Variants in KLHL32 observed in about 807,000 individuals in gnomAD.
The protein encoded by KLHL32 is kelch like family member 32.
A neutral mutation model predicts 64.8 loss-of-function variants in KLHL32; 35 were observed. The observed-to-expected ratio is 0.54, with a 90% confidence interval of 0.41 to 0.72. The LOEUF (loss-of-function observed/expected upper bound fraction) is 0.72, where lower values mean the gene tolerates loss of function less well. Among genes scored for constraint, KLHL32 ranks in the 30% least tolerant of loss-of-function variants. KLHL32 has a pLI of 0.00. For synonymous variants in KLHL32, 259 were observed against 281.0 expected, an observed-to-expected ratio of 0.92 and a Z score of 0.78; for missense variants, 589 against 768.5, an observed-to-expected ratio of 0.77 and a Z score of 2.76.
chr6:96,907,506 T>G, the KLHL32 span, among the ~76,000 whole-genome samples: 2 of 152,208 alleles, frequency 1.3e-5, no homozygotes, highest in African/African-American at 4.8e-5. Flanking sequence ...TCAAGTGTTT[T>G]CAATGAATCT....
chr6:97,015,322 G>A (rs1257754919), intron 3 of KLHL32, among the ~76,000 whole-genome samples: 2 of 152,220 alleles, frequency 1.3e-5, no homozygotes, highest in Non-Finnish European at 2.9e-5. Flanking sequence ...GGTTGGAACA[G>A]TTTGGAGGGC....
chr6:97,020,485 T>A lies in KLHL32; in HGVS notation c.205-21007T>A, dbSNP rs1781840314. ...GTTGACAAAATAAGCACACATTTTG[T>A]CAGAAAGGCAATGGGCCTAGATTTT... On this transcript the variant is annotated intron_variant, in intron 3 of 10. Transcript: ENST00000369261. 2.0e-5 allele frequency among the ~76,000 whole-genome samples: 3 copies of A among 150,752 alleles called. 1 individual carries two copies. Among genetic ancestry groups the A allele is most frequent in the African/African-American group, 7.5e-5 (3 of 40,066 alleles).
chr6:97,132,811 G>A (rs1285045612), intron 10 of KLHL32, 64 bp downstream of exon 10: 2 of 1,109,664 alleles, frequency 1.8e-6, no homozygotes, highest in African/African-American at 3.2e-5. Context: ...ATTTTGCAAT[G>A]CTGCTACTGA....
chr6:97,114,957 A>AT (rs779279622), intron 7 of KLHL32, among the ~76,000 whole-genome samples: 4 of 152,354 alleles, frequency 2.6e-5, no homozygotes, highest in East Asian at 3.9e-4. Context: ...ATAGGTATAT[A>AT]TCCAAGTAAT....
intron 5 of KLHL32, among the ~76,000 whole-genome samples, chr6:97,068,593 G>C (rs1790187916): frequency 6.6e-6 from 1 of 152,212 alleles, no homozygotes; most frequent in South Asian, 2.1e-4. Flanking sequence ...ATAGGAAACT[G>C]TTAATGTGTT....
At chr6:96,988,251 C>T (rs1377908229) in intron 3 of KLHL32, among the ~76,000 whole-genome samples, 4 of 152,180 alleles carry the variant, frequency 2.6e-5, no homozygotes, top group African/African-American at 4.8e-5. Context: ...TCAAACAAAT[C>T]TACAAGAAAA....
intron 3 of KLHL32, among the ~76,000 whole-genome samples, chr6:97,015,365 G>C (rs1423888280): frequency 6.6e-6 from 1 of 152,190 alleles, no homozygotes; most frequent in African/African-American, 2.4e-5. Context: ...GGGAAAGTTT[G>C]AAGCTCCCTA....
intron 3 of KLHL32, among the ~76,000 whole-genome samples, chr6:97,023,218 AC>A (rs1216160176): frequency 9.7e-5 from 13 of 133,866 alleles, no homozygotes; most frequent in African/African-American, 4.2e-4. Context: ...AATTGTAAAG[AC>A]AAAAAAGCCA....
intron 5 of KLHL32, among the ~76,000 whole-genome samples, chr6:97,083,809 G>T (rs188116422): frequency 5.2e-4 from 79 of 152,234 alleles, no homozygotes; most frequent in Non-Finnish European, 9.9e-4. Flanking sequence ...CCGTACTATT[G>T]TTGGGCATTT....
chr6:97,139,443 A>G lies in KLHL32; in HGVS notation c.*161A>G. On this transcript the variant is annotated 3_prime_UTR_variant, in exon 11 of 11. Coordinates refer to ENST00000369261, the MANE Select transcript of KLHL32 (RefSeq NM_052904.4). ...ACAATTTTCTAAAATACGTTATTGA[A>G]AACTCGTCACCCTTCTCAGTGTATG... 1.6e-6 allele frequency: 1 copy of G among 629,322 alleles called. No individual in the cohort carries two copies. Among genetic ancestry groups the G allele is most frequent in the Non-Finnish European group, 2.7e-6 (1 of 369,242 alleles). The allele number at this position is 629,322 out of a possible 1,614,324, so 39.0% of individuals were successfully genotyped here. A position where few individuals can be genotyped will look rare whatever the true frequency, so the allele number is the denominator to read the frequency against.
intron 4 of KLHL32, among the ~76,000 whole-genome samples, chr6:97,042,519 TTGTATATACTTA>T (rs1384075227): frequency 1.3e-5 from 2 of 152,228 alleles, no homozygotes; most frequent in Non-Finnish European, 2.9e-5. Flanking sequence ...CAAATAATAA[TTGTATATACTTA>T]TGTGATGTAA....
Position 97,128,681 on chromosome 6 carries a change from C to A in KLHL32, c.1413+1219C>A, listed in dbSNP as rs78585536. Among the ~76,000 whole-genome samples the A allele has an allele frequency of 4.9e-3, 740 of 152,364 alleles. 5 individuals are homozygous for A. The highest frequency in any genetic ancestry group is 0.016 in the African/African-American group (685 of 41,584). On this transcript the variant is annotated intron_variant, in intron 8 of 10. Coordinates refer to ENST00000369261, the MANE Select transcript of KLHL32 (RefSeq NM_052904.4). ...ACATTGCTACCTGCCAACAGGCAGGCTGGGGTGACCTCTGCTTCCCCACCA... is the reference window on the plus strand; with the variant it reads ...ACATTGCTACCTGCCAACAGGCAGGATGGGGTGACCTCTGCTTCCCCACCA...
chr6:96,958,503 T>C (rs1402992571), intron 1 of KLHL32, among the ~76,000 whole-genome samples: 3 of 152,106 alleles, frequency 2.0e-5, no homozygotes, highest in Non-Finnish European at 4.4e-5. Context: ...GATGAGTATG[T>C]CTGTATGACT....
At chr6:97,083,383 C>T (rs1190341278) in intron 5 of KLHL32, among the ~76,000 whole-genome samples, 2 of 87,378 alleles carry the variant, frequency 2.3e-5, no homozygotes, top group East Asian at 7.6e-4. Context: ...GAGCAAGACT[C>T]CGTCTCAAAA....
intron 4 of KLHL32, among the ~76,000 whole-genome samples, chr6:97,061,127 G>T (rs115087650): frequency 6.6e-6 from 1 of 152,100 alleles, no homozygotes; most frequent in Non-Finnish European, 1.5e-5. Context: ...GAGGTCAGGC[G>T]GGGAAAGAAT....
chr6:97,064,689 T>A lies in KLHL32; in HGVS notation c.374T>A (p.Leu125Ter). ...GCAGCGGGCAGTCACCTACAGCTGT[T>A]GGAGCTTCTCAATTTATGCTCCCAC... ...VLAAGSHLQL[L>*]ELLNLCSHYL... is the part of the protein sequence containing the mutation. The change falls in exon 5 of 11, where the codon TTG becomes TAG. Residue 125 changes from leucine to a stop codon, truncating the protein, a stop_gained. Coordinates refer to ENST00000369261, the MANE Select transcript of KLHL32 (RefSeq NM_052904.4). LOFTEE classifies it high-confidence loss of function. 1 of 1,614,172 alleles carries A rather than the reference T, an allele frequency of 6.2e-7. No individual in the cohort carries two copies. The highest frequency in any genetic ancestry group is 8.5e-7 in the Non-Finnish European group (1 of 1,180,002).
At chr6:96,942,398 A>G (rs974644257) in intron 1 of KLHL32, among the ~76,000 whole-genome samples, 1 of 152,230 alleles carries the variant, frequency 6.6e-6, no homozygotes, top group African/African-American at 2.4e-5. Flanking sequence ...TTCCTCCATG[A>G]AACCATTCCT....
intron 10 of KLHL32, among the ~76,000 whole-genome samples, chr6:97,134,736 TAAAG>T (rs1288762268): frequency 6.6e-6 from 1 of 152,092 alleles, no homozygotes; most frequent in East Asian, 1.9e-4. Flanking sequence ...AATGAGGAAA[TAAAG>T]AAAATGCTGT....
chr6:97,108,072 T>A (rs1385651626), intron 6 of KLHL32, among the ~76,000 whole-genome samples: 2 of 152,180 alleles, frequency 1.3e-5, no homozygotes, highest in Non-Finnish European at 1.5e-5. Flanking sequence ...GACGGTCTGC[T>A]GTGTTGCAGG....
Sources: gnomAD v4.1 joint callset for allele counts (sites outside exome capture counted in the v4.1 genomes callset) on GRCh38, gnomAD v4.1.1 for gene constraint, MANE v1.5 for transcripts, NCBI Gene and HGNC (gene_info 2026-07-23, HGNC 2026-07-21) for gene names.